The following FAR2 variants were observed in gnomAD, a reference collection of about 807,000 sequenced individuals.
FAR2 encodes epididymis secretory protein Li 81.
FAR2 carries 19 observed loss-of-function variants against 56.0 expected under a neutral mutation model. That is an observed-to-expected ratio of 0.34 (90% CI 0.24 to 0.50). The LOEUF is 0.50. Ranked by LOEUF, FAR2 falls within the 20% of genes least tolerant of loss-of-function variation. The pLI, the probability that FAR2 is intolerant of heterozygous loss-of-function variation, is 0.98. For missense variants in FAR2, 508 were observed against 642.2 expected, an observed-to-expected ratio of 0.79 and a Z score of 2.26; for synonymous variants, 219 against 218.8, an observed-to-expected ratio of 1.00 and a Z score of -0.01.
At chr12:29,174,613 G>C (rs1468867833) in intron 1 of FAR2, among the ~76,000 whole-genome samples, 7 of 151,708 alleles carry the variant, frequency 4.6e-5, no homozygotes, top group Admixed American at 4.6e-4. Context: ...GTAGAGACAA[G>C]GTTTCACTGT....
intron 1 of FAR2, among the ~76,000 whole-genome samples, chr12:29,242,034 G>A (rs952575551): frequency 5.9e-5 from 9 of 152,212 alleles, no homozygotes; most frequent in African/African-American, 9.7e-5. Flanking sequence ...TGAACACAGA[G>A]CATAGGCCTT....
rs538247253 is a variant in FAR2, at chr12:29,177,680, C to T, written c.-39+28273C>T. ...AACTGTAGTCAAATTCACACATTCACAGATCTCAGAACTGGACAAAATCCT... is the reference window on the plus strand; with the variant it reads ...AACTGTAGTCAAATTCACACATTCATAGATCTCAGAACTGGACAAAATCCT... On this transcript the variant is annotated intron_variant, in intron 1 of 11. Coordinates refer to ENST00000536681, the MANE Select transcript of FAR2 (RefSeq NM_001271783.2). Among the ~76,000 whole-genome samples the T allele has an allele frequency of 8.2e-4, 125 of 152,288 alleles. 1 individual carries two copies. Among genetic ancestry groups the T allele is most frequent in the African/African-American group, 2.8e-3 (118 of 41,554 alleles).
chr12:29,234,860 G>A (rs1050038371), intron 1 of FAR2, among the ~76,000 whole-genome samples: 4 of 152,008 alleles, frequency 2.6e-5, no homozygotes, highest in African/African-American at 9.7e-5. Context: ...CCCATCCAAG[G>A]TGTCCTCATA....
At chr12:29,307,518 C>A in intron 4 of FAR2, 140 bp from the exon 5 acceptor site, 1 of 811,648 alleles carries the variant, frequency 1.2e-6, no homozygotes, top group Non-Finnish European at 1.9e-6. Flanking sequence ...GGTACACACT[C>A]AAACTTGGTA....
chr12:29,269,208 G>T (rs570979650), intron 1 of FAR2, among the ~76,000 whole-genome samples: 4 of 152,028 alleles, frequency 2.6e-5, no homozygotes, highest in Admixed American at 6.6e-5. Flanking sequence ...GTGCACCTTG[G>T]GGGGGCCGTT....
At chr12:29,196,240 T>C (rs917853112) in intron 1 of FAR2, among the ~76,000 whole-genome samples, 7 of 152,154 alleles carry the variant, frequency 4.6e-5, no homozygotes, top group Admixed American at 1.3e-4. Flanking sequence ...GATTTCTATG[T>C]TTAGTTATTT....
intron 1 of FAR2, among the ~76,000 whole-genome samples, chr12:29,201,510 C>T (rs1332752429): frequency 6.6e-6 from 1 of 152,140 alleles, no homozygotes; most frequent in African/African-American, 2.4e-5. Flanking sequence ...CCTTCTTCCT[C>T]TATATGTAGA....
At chr12:29,281,907 G>T (rs1210529043) in intron 2 of FAR2, among the ~76,000 whole-genome samples, 1 of 152,128 alleles carries the variant, frequency 6.6e-6, no homozygotes, top group Non-Finnish European at 1.5e-5. Flanking sequence ...ATTGGTTTTA[G>T]CAAATCCAAA....
intron 10 of FAR2, among the ~76,000 whole-genome samples, chr12:29,325,375 G>C (rs1377547364): frequency 6.6e-6 from 1 of 152,096 alleles, no homozygotes; most frequent in Non-Finnish European, 1.5e-5. Flanking sequence ...TCCAGGAATT[G>C]AACTCAGCTC....
intron 1 of FAR2, among the ~76,000 whole-genome samples, chr12:29,261,410 A>G (rs927181210): frequency 2.0e-5 from 3 of 152,210 alleles, no homozygotes. Flanking sequence ...AGAAGAAAAA[A>G]AGAATGAAGC....
chr12:29,305,040 G>A (rs1004730809), intron 4 of FAR2, among the ~76,000 whole-genome samples: 2 of 152,298 alleles, frequency 1.3e-5, no homozygotes, highest in South Asian at 4.2e-4. Context: ...AATCTCCTCT[G>A]AACCTAGGAA....
At chr12:29,287,461 G>A (rs1438933289) in intron 2 of FAR2, among the ~76,000 whole-genome samples, 1 of 152,084 alleles carries the variant, frequency 6.6e-6, no homozygotes, top group East Asian at 1.9e-4. Context: ...ATTTGTGTTT[G>A]TTTTCAACTT....
intron 1 of FAR2, among the ~76,000 whole-genome samples, chr12:29,159,135 T>C (rs1226686156): frequency 3.9e-5 from 6 of 152,224 alleles, no homozygotes; most frequent in African/African-American, 7.2e-5. Flanking sequence ...TGATACCCAA[T>C]GTGTAAATAT....
intron 1 of FAR2, among the ~76,000 whole-genome samples, chr12:29,219,893 G>A (rs1467252810): frequency 6.6e-6 from 1 of 152,098 alleles, no homozygotes; most frequent in East Asian, 1.9e-4. Flanking sequence ...ATGAAAAAGA[G>A]AAACATTCAA....
intron 10 of FAR2, among the ~76,000 whole-genome samples, 186 bp from the exon 11 acceptor site, chr12:29,332,414 T>C (rs188091830): frequency 1.3e-5 from 2 of 152,302 alleles, no homozygotes; most frequent in African/African-American, 4.8e-5. Flanking sequence ...AATATTCCTA[T>C]GTAAATAGTA....
chr12:29,208,512 T>C lies in FAR2; in HGVS notation c.-39+59105T>C, dbSNP rs535587647. Among the ~76,000 whole-genome samples the C allele has an allele frequency of 1.1e-3, 168 of 152,374 alleles. 1 individual carries two copies. Among genetic ancestry groups the C allele is most frequent in the African/African-American group, 4.0e-3 (165 of 41,594 alleles). On this transcript the variant is annotated intron_variant, in intron 1 of 11. Transcript: ENST00000536681. ...TGTAATGATCACAATTGTTATATTG[T>C]TTATACATCATTTATATTTCTATCA...
intron 1 of FAR2, among the ~76,000 whole-genome samples, chr12:29,206,331 G>A (rs1496218): frequency 0.77 from 116,941 of 152,196 alleles, 46,165 homozygotes; most frequent in East Asian, 0.91. Context: ...TGACGCCAGA[G>A]TTTACCTGAT....
rs982262417 is a variant in FAR2, at chr12:29,173,207, G to A, written c.-39+23800G>A. Among the ~76,000 whole-genome samples, 4 of 152,190 alleles carry A rather than the reference G, an allele frequency of 2.6e-5. No homozygotes were observed. In the East Asian group the frequency reaches 5.8e-4, roughly 22 times the overall value. ...TTATATCAGAGAGGGAGAAGGGGAC[G>A]TGTACCCGGGTTGGGCCAAATTCCC... On this transcript the variant is annotated intron_variant, in intron 1 of 11. Coordinates refer to ENST00000536681, the MANE Select transcript of FAR2 (RefSeq NM_001271783.2).
rs543373106 is a variant in FAR2, at chr12:29,181,942, C to CAGAT, written c.-39+32547_-39+32550dup. Among the ~76,000 whole-genome samples the CAGAT allele has an allele frequency of 6.9e-4, 105 of 152,168 alleles. 1 individual carries two copies. In the East Asian group the frequency reaches 0.011, roughly 17 times the overall value. On this transcript the variant is annotated intron_variant, in intron 1 of 11. Transcript: ENST00000536681. ...GATGATTTTACAGATAGAGGATAGACAGATAGATAGATAGACAGATTATAC... is the reference window on the plus strand; with the variant it reads ...GATGATTTTACAGATAGAGGATAGACAGATAGATAGATAGATAGACAGATTATAC...
Sources: gnomAD v4.1 joint callset for allele counts (sites outside exome capture counted in the v4.1 genomes callset) on GRCh38, gnomAD v4.1.1 for gene constraint, MANE v1.5 for transcripts, NCBI Gene and HGNC (gene_info 2026-07-23, HGNC 2026-07-21) for gene names.